The following SLC44A5 variants were observed in gnomAD, a reference collection of about 807,000 sequenced individuals.
SLC44A5 encodes choline transporter-like protein 5.
In SLC44A5, 57 loss-of-function variants were observed where a neutral mutation model predicts 101.8. The ratio of observed to expected loss-of-function variants is 0.56; its 90% CI spans 0.45 to 0.70. The LOEUF (loss-of-function observed/expected upper bound fraction) is 0.70. SLC44A5 is among the 30% of genes least tolerant of loss of function. The pLI is 0.00. For missense variants in SLC44A5, 737 were observed against 853.1 expected (o/e 0.86, Z 1.70); for synonymous variants, 281 against 290.9 (o/e 0.97, Z 0.35).
chr1:75,203,639 A>C lies in SLC44A5; in HGVS notation c.*88T>G. On this transcript the variant is annotated 3_prime_UTR_variant, in exon 24 of 24. Transcript: ENST00000370859. ...AAGGTCGTGAATACAGTGTTGCTAA[A>C]CACAAAGCACTTATGAAACAAATGT... 6.9e-7 allele frequency: 1 copy of C among 1,448,238 alleles called. No individual in the cohort carries two copies. Among genetic ancestry groups the C allele is most frequent in the Non-Finnish European group, 9.2e-7 (1 of 1,091,862 alleles). The allele number at this position is 1,448,238 out of a possible 1,614,324, so 89.7% of individuals were successfully genotyped here.
intron 6 of SLC44A5, among the ~76,000 whole-genome samples, chr1:75,272,413 T>A (rs1651560484): frequency 6.6e-6 from 1 of 151,704 alleles, no homozygotes; most frequent in South Asian, 2.1e-4. Context: ...ATTTTTTTTT[T>A]ATTTTTGTTT....
chr1:75,590,620 ACTTAAGAGTCCGTGGGC>A (rs1674293558), intron 1 of SLC44A5, among the ~76,000 whole-genome samples: 1 of 152,142 alleles, frequency 6.6e-6, no homozygotes, highest in South Asian at 2.1e-4. Context: ...ACACAAGCTG[ACTTAAGAGTCCGTGGGC>A]CTTAAGGGAA....
At chr1:75,496,836 T>A (rs1416917103) in intron 2 of SLC44A5, among the ~76,000 whole-genome samples, 1 of 151,912 alleles carries the variant, frequency 6.6e-6, no homozygotes, top group Non-Finnish European at 1.5e-5. Flanking sequence ...TAAATAAAAA[T>A]TTTTCCAAGG....
At chr1:75,663,851 A>G in the SLC44A5 span, among the ~76,000 whole-genome samples, 5 of 152,200 alleles carry the variant, frequency 3.3e-5, no homozygotes, top group African/African-American at 9.6e-5. Context: ...CACAGACCCA[A>G]TGATAAAAGA....
chr1:75,719,144 G>A, the SLC44A5 span, among the ~76,000 whole-genome samples: 6 of 152,084 alleles, frequency 3.9e-5, no homozygotes, highest in East Asian at 1.9e-4. Flanking sequence ...TTCCTGACCC[G>A]TGGTAAGTAA....
chr1:75,700,461 G>A, the SLC44A5 span, among the ~76,000 whole-genome samples: 9 of 149,794 alleles, frequency 6.0e-5, no homozygotes, highest in Admixed American at 3.3e-4. Flanking sequence ...AAACCAATGA[G>A]AACAAAGACA....
At chr1:75,719,475 A>G in the SLC44A5 span, among the ~76,000 whole-genome samples, 1 of 152,194 alleles carries the variant, frequency 6.6e-6, no homozygotes, top group Non-Finnish European at 1.5e-5. Flanking sequence ...TGGAGAAAAA[A>G]AAATCTTAGA....
At chr1:75,455,267 G>A (rs542283265) in intron 2 of SLC44A5, among the ~76,000 whole-genome samples, 1 of 152,144 alleles carries the variant, frequency 6.6e-6, no homozygotes, top group African/African-American at 2.4e-5. Context: ...AATGCGGAAA[G>A]GACTCTCTAT....
the SLC44A5 span, among the ~76,000 whole-genome samples, chr1:75,675,723 G>C: frequency 6.6e-6 from 1 of 152,112 alleles, no homozygotes; most frequent in African/African-American, 2.4e-5. Context: ...TTAAACTAAA[G>C]AGCTTCTGCA....
intron 2 of SLC44A5, among the ~76,000 whole-genome samples, chr1:75,403,003 G>A (rs1662597624): frequency 6.6e-6 from 1 of 152,206 alleles, no homozygotes; most frequent in Non-Finnish European, 1.5e-5. Flanking sequence ...ACTTGAGGTT[G>A]ATGGGGGGAG....
At chr1:75,660,417 TG>T in the SLC44A5 span, among the ~76,000 whole-genome samples, 2 of 152,058 alleles carry the variant, frequency 1.3e-5, no homozygotes, top group Non-Finnish European at 2.9e-5. Flanking sequence ...CTCTAATACC[TG>T]GAATAAGACA....
At chr1:75,689,572 TA>T in the SLC44A5 span, among the ~76,000 whole-genome samples, 1 of 152,130 alleles carries the variant, frequency 6.6e-6, no homozygotes, top group Admixed American at 6.5e-5. Flanking sequence ...GTCAGGGAAA[TA>T]ACAAGAAGCT....
chr1:75,627,126 C>A, the SLC44A5 span, among the ~76,000 whole-genome samples: 1 of 152,072 alleles, frequency 6.6e-6, no homozygotes, highest in African/African-American at 2.4e-5. Context: ...AGTAATGGTT[C>A]CCTTTGTGTA....
chr1:75,217,022 C>T (rs1056195555), intron 18 of SLC44A5, among the ~76,000 whole-genome samples: 16 of 152,036 alleles, frequency 1.1e-4, no homozygotes, highest in African/African-American at 3.9e-4. Flanking sequence ...GAAATAATCA[C>T]CAAATCCAAT....
intron 3 of SLC44A5, among the ~76,000 whole-genome samples, chr1:75,374,564 T>A (rs911928496): frequency 2.0e-5 from 3 of 152,076 alleles, no homozygotes; most frequent in African/African-American, 7.2e-5. Context: ...TTGCCCCCCA[T>A]TCCCCTCCCC....
At chr1:75,584,817 G>C (rs1210589438) in intron 1 of SLC44A5, among the ~76,000 whole-genome samples, 4 of 152,052 alleles carry the variant, frequency 2.6e-5, no homozygotes, top group African/African-American at 9.7e-5. Flanking sequence ...GGCTGGTCTT[G>C]GATTCCTGGG....
chr1:75,530,392 G>T (rs187134084), intron 2 of SLC44A5, among the ~76,000 whole-genome samples: 30 of 152,256 alleles, frequency 2.0e-4, no homozygotes, highest in Non-Finnish European at 1.5e-5. Context: ...ATTAGTAAGT[G>T]TAATTTAAAA....
At chr1:75,675,794 C>T in the SLC44A5 span, among the ~76,000 whole-genome samples, 47 of 152,124 alleles carry the variant, frequency 3.1e-4, no homozygotes, top group South Asian at 1.9e-3. Flanking sequence ...AAAATTTTTG[C>T]AATCTATCCA....
intron 5 of SLC44A5, among the ~76,000 whole-genome samples, chr1:75,287,162 T>C (rs891729651): frequency 2.0e-5 from 3 of 152,006 alleles, no homozygotes; most frequent in African/African-American, 7.2e-5. Context: ...CTTTGTTGGA[T>C]TGGGTTAATA....
Sources: allele counts gnomAD v4.1 joint callset (sites outside exome capture counted in the v4.1 genomes callset), GRCh38; gene constraint gnomAD v4.1.1; transcripts MANE v1.5; gene names NCBI Gene and HGNC (gene_info 2026-07-23, HGNC 2026-07-21).